The following ADAM2 variants were observed in gnomAD, a reference collection of about 807,000 sequenced individuals.
The protein encoded by ADAM2 is disintegrin and metalloproteinase domain-containing protein 2.
Under a neutral mutation model 99.3 loss-of-function variants are expected in ADAM2, and 101 were observed. The observed-to-expected ratio is 1.02, with a 90% CI of 0.87 to 1.20. The LOEUF is 1.20. Among genes scored for constraint, ADAM2 ranks in the 50% most tolerant of loss-of-function variants. The pLI is 0.00. For synonymous variants in ADAM2, 323 were observed against 287.6 expected (o/e 1.12, Z -1.25); for missense variants, 948 against 878.7 (o/e 1.08, Z -1.00).
At chr8:39,781,656 C>T (rs1284693267) in intron 10 of ADAM2, among the ~76,000 whole-genome samples, 1 of 152,102 alleles carries the variant, frequency 6.6e-6, no homozygotes, top group Non-Finnish European at 1.5e-5. Flanking sequence ...ATTGTTGATA[C>T]TAATCTCTCT....
At chr8:39,806,964 C>T (rs1804466444) in intron 7 of ADAM2, among the ~76,000 whole-genome samples, 1 of 152,056 alleles carries the variant, frequency 6.6e-6, no homozygotes, top group African/African-American at 2.4e-5. Context: ...AAAATGAGCG[C>T]TAATAATAGA....
At chr8:39,833,800 A>G in intron 3 of ADAM2, 144 bp downstream of exon 3, 1 of 612,390 alleles carries the variant, frequency 1.6e-6, no homozygotes, top group Non-Finnish European at 2.9e-6. Context: ...TATCATATAT[A>G]GGCTTAAATC....
At chr8:39,783,935 ACT>A (rs1803342339) in intron 10 of ADAM2, among the ~76,000 whole-genome samples, 2 of 150,334 alleles carry the variant, frequency 1.3e-5, no homozygotes, top group Non-Finnish European at 1.5e-5. Flanking sequence ...ACAGAGCGAG[ACT>A]CTGTCTCGAA....
chr8:39,793,438 G>A (rs1370134079), intron 7 of ADAM2, among the ~76,000 whole-genome samples: 1 of 152,086 alleles, frequency 6.6e-6, no homozygotes, highest in Non-Finnish European at 1.5e-5. Context: ...TAACATTAAA[G>A]GGTGTTAAGC....
intron 3 of ADAM2, among the ~76,000 whole-genome samples, chr8:39,833,341 GATTTGGTAATTTC>G (rs1237012226): frequency 6.6e-6 from 1 of 152,012 alleles, no homozygotes; most frequent in African/African-American, 2.4e-5. Context: ...TTTTTGTATT[GATTTGGTAATTTC>G]ATTTGCAGGC....
chr8:39,783,472 T>A (rs1445421597), intron 10 of ADAM2, among the ~76,000 whole-genome samples: 1 of 152,126 alleles, frequency 6.6e-6, no homozygotes, highest in Admixed American at 6.6e-5. Flanking sequence ...ATCTTCCCCT[T>A]CATCATAATT....
At chr8:39,796,616 T>A (rs1803964199) in intron 7 of ADAM2, among the ~76,000 whole-genome samples, 2 of 152,284 alleles carry the variant, frequency 1.3e-5, no homozygotes, top group Admixed American at 1.3e-4. Flanking sequence ...GGAATCTCCA[T>A]ACTGTCTTCC....
At chr8:39,774,253 G>C (rs927095889) in intron 11 of ADAM2, among the ~76,000 whole-genome samples, 1 of 151,874 alleles carries the variant, frequency 6.6e-6, no homozygotes, top group East Asian at 1.9e-4. Flanking sequence ...ATAAATCAGA[G>C]TGAAACAAAG....
At chr8:39,762,201 A>C (rs148939003) in intron 14 of ADAM2, among the ~76,000 whole-genome samples, 1 of 152,252 alleles carries the variant, frequency 6.6e-6, no homozygotes, top group African/African-American at 2.4e-5. Flanking sequence ...CTTAACCACT[A>C]CATAATGTTG....
chr8:39,771,926 T>A (rs985433624), intron 11 of ADAM2, among the ~76,000 whole-genome samples: 1 of 152,018 alleles, frequency 6.6e-6, no homozygotes, highest in Non-Finnish European at 1.5e-5. Context: ...ATTAACATTG[T>A]CATTAGAAAG....
chr8:39,777,349 G>A (rs191650158), intron 10 of ADAM2, among the ~76,000 whole-genome samples, 188 bp from the exon 11 acceptor site: 6 of 151,930 alleles, frequency 3.9e-5, no homozygotes, highest in Non-Finnish European at 5.9e-5. Context: ...AAGTTTTATC[G>A]GTATGTAAAT....
rs755654126 is a variant in ADAM2, at chr8:39,769,577, T to A, written c.1029-2A>T. 1 of 1,605,668 alleles carries A rather than the reference T, an allele frequency of 6.2e-7. No homozygotes were observed. The highest frequency in any genetic ancestry group is 1.1e-5 in the South Asian group (1 of 90,782). Reference sequence around the variant, plus strand: ...AAGATCTTCACACCACTGAAATGACTAAAGACACATCAAACGTCAAATTTT... The same window carrying A: ...AAGATCTTCACACCACTGAAATGACAAAAGACACATCAAACGTCAAATTTT... On this transcript the variant is annotated splice_acceptor_variant, in intron 11 of 20. Transcript: ENST00000265708. LOFTEE classifies it high-confidence loss of function.
At chr8:39,827,008 G>C (rs760771156) in intron 3 of ADAM2, among the ~76,000 whole-genome samples, 5 of 151,524 alleles carry the variant, frequency 3.3e-5, no homozygotes, top group Non-Finnish European at 5.9e-5. Flanking sequence ...ATCTAATAAG[G>C]GGTCAAAATC....
intron 2 of ADAM2, among the ~76,000 whole-genome samples, chr8:39,836,390 T>C (rs1805824109): frequency 6.6e-6 from 1 of 152,174 alleles, no homozygotes; most frequent in Admixed American, 6.5e-5. Flanking sequence ...ATTTAAATGA[T>C]TTGTTTTAGT....
intron 7 of ADAM2, among the ~76,000 whole-genome samples, chr8:39,799,275 C>T (rs1804105975): frequency 6.6e-6 from 1 of 152,178 alleles, no homozygotes; most frequent in Non-Finnish European, 1.5e-5. Flanking sequence ...TTCTTGATTT[C>T]TGCCTTAATT....
chr8:39,801,040 CA>C (rs1804186145), intron 7 of ADAM2, among the ~76,000 whole-genome samples: 1 of 152,112 alleles, frequency 6.6e-6, no homozygotes, highest in Admixed American at 6.6e-5. Flanking sequence ...TCCTCTGTGC[CA>C]GTTCTGTGCC....
In ADAM2 at chr8:39,809,443, A is replaced by G; in HGVS notation, c.537T>C (p.Tyr179=). Reference sequence around the variant, plus strand: ...TTTCAACTATAACATGCATTTCTATATACTTTGCAAAATCTTGCTGTGGCT... The same window carrying G: ...TTTCAACTATAACATGCATTTCTATGTACTTTGCAAAATCTTGCTGTGGCT... ...SVEPQQDFAK[Y]IEMHVIVEKQ... is the part of the protein sequence containing the mutation. Residue 179 remains tyrosine (Y), a synonymous_variant, in exon 7 of 21, where the codon TAT becomes TAC. Transcript: ENST00000265708. 3.5e-6 allele frequency: 5 copies of G among 1,419,782 alleles called. No homozygotes were observed. The highest frequency in any genetic ancestry group is 4.9e-6 in the Non-Finnish European group (5 of 1,018,256). The allele number at this position is 1,419,782 out of a possible 1,614,324, so 87.9% of individuals were successfully genotyped here.
At position 39,808,425 on chromosome 8, in the gene ADAM2, A is replaced by G. The variant is rs138509807; in HGVS notation, c.570+985T>C. On this transcript the variant is annotated intron_variant, in intron 7 of 20. Transcript: ENST00000265708. The stretch of plus-strand genomic sequence containing the variant: ...CAAATATTGCTGAGAGAAATCAAAG[A>G]AGATCTAAATAATGGGGTGGATATA... Among the ~76,000 whole-genome samples the G allele has an allele frequency of 9.8e-5, 15 of 152,318 alleles. 1 individual carries two copies. The highest frequency in any genetic ancestry group is 3.6e-4 in the African/African-American group (15 of 41,582).
rs560247071 is a variant in ADAM2, at chr8:39,745,899, G to A, written c.2174+573C>T. On this transcript the variant is annotated intron_variant, in intron 19 of 20. Coordinates refer to ENST00000265708, the MANE Select transcript of ADAM2 (RefSeq NM_001464.5). ...GATAAACTTTAAACTTGAATGGACA[G>A]CTAAACTTTAGCTAATCTTGCCCCT... Among the ~76,000 whole-genome samples the A allele has an allele frequency of 6.6e-4, 101 of 152,072 alleles. No homozygotes were observed. The Middle Eastern group carries it at 0.017, about 26-fold the overall frequency.
Sources: allele counts gnomAD v4.1 joint callset (sites outside exome capture counted in the v4.1 genomes callset), GRCh38; gene constraint gnomAD v4.1.1; transcripts MANE v1.5; gene names NCBI Gene and HGNC (gene_info 2026-07-23, HGNC 2026-07-21).